KLC1: variants seen among roughly 807,000 people sequenced by gnomAD.
KLC1 encodes kinesin 2 60/70kDa.
KLC1 carries 30 observed loss-of-function variants against 84.2 expected under a neutral mutation model. That is an observed-to-expected ratio of 0.36 (90% CI 0.27 to 0.48). KLC1 has a LOEUF of 0.48. Ranked by LOEUF, KLC1 falls within the 20% of genes least tolerant of loss-of-function variation. The pLI, the probability that KLC1 is intolerant of heterozygous loss-of-function variation, is 0.99. For synonymous variants in KLC1, 289 were observed against 293.3 expected (o/e 0.99, Z 0.15); for missense variants, 499 against 805.4 (o/e 0.62, Z 4.60).
chr14:103,649,763 T>A (rs2078266674), intron 1 of KLC1, among the ~76,000 whole-genome samples: 1 of 151,380 alleles, frequency 6.6e-6, no homozygotes, highest in African/African-American at 2.4e-5. Context: ...TGGCGCCATC[T>A]CGGCTCACTG....
At chr14:103,699,528 G>A (rs779189770) in intron 15 of KLC1, 31 of 1,613,444 alleles carry the variant, frequency 1.9e-5, no homozygotes, top group South Asian at 6.6e-5. Context: ...GCCATGCCCC[G>A]AGACAGCAGT....
Position 103,669,556 on chromosome 14 carries a change from C to T in KLC1, c.843C>T (p.Ala281=). Residue 281 remains alanine, a synonymous_variant, in exon 6 of 17, where the codon GCC becomes GCT. Transcript: ENST00000334553. ...YKDAANLLND[A]LAIREKTLGK... ...ATGCAGCTAACCTACTGAATGATGC[C>T]TTGGCTATTCGTGAGAAAACTTTGG... is the stretch of plus-strand genomic sequence containing the variant. 3.1e-6 allele frequency: 5 copies of T among 1,613,196 alleles called. No individual in the cohort carries two copies. The highest frequency in any genetic ancestry group is 4.2e-6 in the Non-Finnish European group (5 of 1,179,206).
At chr14:103,648,183 T>C (rs934251908) in intron 1 of KLC1, among the ~76,000 whole-genome samples, 3 of 152,080 alleles carry the variant, frequency 2.0e-5, no homozygotes, top group Non-Finnish European at 4.4e-5. Flanking sequence ...TCTCTTGACC[T>C]CGTGATTTGC....
At chr14:103,667,317 G>T (rs2079949830) in intron 5 of KLC1, among the ~76,000 whole-genome samples, 1 of 151,758 alleles carries the variant, frequency 6.6e-6, no homozygotes, top group African/African-American at 2.4e-5. Flanking sequence ...TTGCTATGTT[G>T]GTTGATCTTG....
chr14:103,666,171 C>T (rs935868626), intron 5 of KLC1, among the ~76,000 whole-genome samples: 1 of 152,132 alleles, frequency 6.6e-6, no homozygotes, highest in African/African-American at 2.4e-5. Flanking sequence ...TCACGCCATT[C>T]TCCTGCCTCA....
chr14:103,670,993 C>T (rs568016367), intron 7 of KLC1, among the ~76,000 whole-genome samples: 1 of 152,084 alleles, frequency 6.6e-6, no homozygotes, highest in Admixed American at 6.5e-5. Flanking sequence ...GAGTCTGATG[C>T]TGTCCAAGCC....
chr14:103,685,516 C>T, intron 13 of KLC1: 1 of 1,280,142 alleles, frequency 7.8e-7, no homozygotes, highest in South Asian at 1.3e-5. Flanking sequence ...GTCCTAAAGC[C>T]ACTCAGAAGG....
intron 1 of KLC1, among the ~76,000 whole-genome samples, chr14:103,643,397 C>T (rs1018134558): frequency 1.3e-5 from 2 of 152,194 alleles, no homozygotes; most frequent in East Asian, 1.9e-4. Flanking sequence ...GCCAGGTGGT[C>T]GAGGCTGATG....
At chr14:103,668,436 C>T (rs1056022911) in intron 5 of KLC1, among the ~76,000 whole-genome samples, 1 of 152,150 alleles carries the variant, frequency 6.6e-6, no homozygotes, top group African/African-American at 2.4e-5. Context: ...GGATTTCCTT[C>T]CAGTGTTTTT....
intron 2 of KLC1, among the ~76,000 whole-genome samples, chr14:103,657,034 C>T (rs1021961037): frequency 4.6e-5 from 7 of 152,138 alleles, no homozygotes; most frequent in African/African-American, 1.4e-4. Context: ...TGCACCAGTG[C>T]ATTCTTACTC....
chr14:103,633,557 C>T (rs1369503973), intron 1 of KLC1, among the ~76,000 whole-genome samples: 3 of 152,108 alleles, frequency 2.0e-5, no homozygotes, highest in Non-Finnish European at 4.4e-5. Context: ...TATAGTGGAG[C>T]TGATTTGGGG....
At chr14:103,668,816 C>T (rs147507777) in intron 5 of KLC1, among the ~76,000 whole-genome samples, 2,450 of 150,624 alleles carry the variant, frequency 0.016, 64 homozygotes, top group African/African-American at 0.056. Context: ...CTCACTCTGT[C>T]GCCTAGGCTG....
chr14:103,696,515 G>A (rs779769420), intron 15 of KLC1: 27 of 985,336 alleles, frequency 2.7e-5, no homozygotes, highest in Non-Finnish European at 3.0e-5. Flanking sequence ...TAACTGTATG[G>A]AATTTTCTTG....
At chr14:103,692,976 G>A (rs780310150) in intron 15 of KLC1, among the ~76,000 whole-genome samples, 2 of 152,218 alleles carry the variant, frequency 1.3e-5, no homozygotes, top group Admixed American at 6.5e-5. Context: ...CACGGAGGCC[G>A]TTTGAGTTTT....
intron 1 of KLC1, among the ~76,000 whole-genome samples, chr14:103,643,625 C>T (rs991507980): frequency 3.9e-5 from 6 of 152,126 alleles, no homozygotes; most frequent in African/African-American, 1.4e-4. Context: ...CAATCAGATA[C>T]ATTTAAGAAA....
At chr14:103,682,166 C>T (rs1426591120) in intron 13 of KLC1, among the ~76,000 whole-genome samples, 8 of 151,912 alleles carry the variant, frequency 5.3e-5, no homozygotes, top group Non-Finnish European at 8.8e-5. Context: ...GTCAGGAGAT[C>T]GAGACTATCC....
intron 1 of KLC1, among the ~76,000 whole-genome samples, chr14:103,634,979 C>T (rs2076945573): frequency 6.6e-6 from 1 of 152,180 alleles, no homozygotes; most frequent in South Asian, 2.1e-4. Flanking sequence ...GCGTTGTACT[C>T]TGTAGCCTCC....
At chr14:103,665,859 A>T (rs2151615227) in intron 5 of KLC1, among the ~76,000 whole-genome samples, 1 of 152,326 alleles carries the variant, frequency 6.6e-6, no homozygotes, top group Non-Finnish European at 1.5e-5. Flanking sequence ...CTTCTGCCGC[A>T]CAGGCGCCAC....
chr14:103,647,904 A>G (rs1218247331), intron 1 of KLC1, among the ~76,000 whole-genome samples: 2 of 151,354 alleles, frequency 1.3e-5, no homozygotes, highest in Admixed American at 1.3e-4. Context: ...AGCATTTCCT[A>G]ATTTCTGTCC....
Sources: gnomAD v4.1 joint callset for allele counts (sites outside exome capture counted in the v4.1 genomes callset) on GRCh38, gnomAD v4.1.1 for gene constraint, MANE v1.5 for transcripts, NCBI Gene and HGNC (gene_info 2026-07-23, HGNC 2026-07-21) for gene names.